TFDP1: variants seen among roughly 807,000 people sequenced by gnomAD.
TFDP1 encodes transcription factor Dp-1.
Under a neutral mutation model 48.0 loss-of-function variants are expected in TFDP1, and 6 were observed. The observed-to-expected ratio is 0.13, with a 90% CI of 0.07 to 0.25. The LOEUF (loss-of-function observed/expected upper bound fraction) is 0.25, where lower values mean the gene tolerates loss of function less well. Among genes scored for constraint, TFDP1 ranks in the 10% least tolerant of loss-of-function variants. The pLI, the probability that TFDP1 is intolerant of heterozygous loss-of-function variation, is 1.00. For synonymous variants in TFDP1, 201 were observed against 211.6 expected (o/e 0.95, Z 0.44); for missense variants, 335 against 543.0 (o/e 0.62, Z 3.81).
At chr13:113,601,933 T>C (rs1178888862) in intron 2 of TFDP1, among the ~76,000 whole-genome samples, 3 of 43,188 alleles carry the variant, frequency 6.9e-5, no homozygotes, top group Admixed American at 2.7e-4. Context: ...TCTGTAGCTC[T>C]GAGAGGAGGA....
At chr13:113,613,859 AGT>A (rs951840022) in intron 3 of TFDP1, among the ~76,000 whole-genome samples, 2 of 146,922 alleles carry the variant, frequency 1.4e-5, no homozygotes, top group African/African-American at 5.1e-5. Context: ...ATGTGTGTTG[AGT>A]GTGCATGAGT....
chr13:113,612,338 G>A (rs1464633630), intron 3 of TFDP1, among the ~76,000 whole-genome samples: 4 of 152,206 alleles, frequency 2.6e-5, no homozygotes, highest in Non-Finnish European at 4.4e-5. Flanking sequence ...CTGTCCCCGG[G>A]CCCTGTCAGA....
intron 2 of TFDP1, among the ~76,000 whole-genome samples, chr13:113,597,503 G>A (rs955695918): frequency 3.9e-5 from 6 of 152,322 alleles, no homozygotes; most frequent in South Asian, 2.1e-4. Flanking sequence ...GGGCCTGAAC[G>A]GCTGGACCTT....
At chr13:113,626,482 C>T (rs920453980) in intron 4 of TFDP1, among the ~76,000 whole-genome samples, 3 of 151,988 alleles carry the variant, frequency 2.0e-5, no homozygotes, top group Non-Finnish European at 2.9e-5. Context: ...GCCTTCCCCG[C>T]GCTCCCTTCC....
chr13:113,634,675 T>G, intron 8 of TFDP1, 73 bp downstream of exon 8: 1 of 1,147,172 alleles, frequency 8.7e-7, no homozygotes, highest in South Asian at 1.4e-5. Flanking sequence ...GGCAACATAC[T>G]GCCTTGGGTT....
At chr13:113,608,005 A>G (rs1216700104) in intron 2 of TFDP1, among the ~76,000 whole-genome samples, 2 of 152,142 alleles carry the variant, frequency 1.3e-5, no homozygotes, top group East Asian at 1.9e-4. Context: ...GCGGTGGAAC[A>G]TTTACAGACA....
intron 3 of TFDP1, among the ~76,000 whole-genome samples, chr13:113,617,755 A>G (rs1471399928): frequency 6.6e-6 from 1 of 152,264 alleles, no homozygotes; most frequent in African/African-American, 2.4e-5. Flanking sequence ...ATGGTGGGCA[A>G]AATAGTAACT....
intron 3 of TFDP1, among the ~76,000 whole-genome samples, chr13:113,621,715 G>C (rs949604529): frequency 6.6e-6 from 1 of 152,236 alleles, no homozygotes; most frequent in Admixed American, 6.5e-5. Flanking sequence ...GAAGATGTCC[G>C]TTGCCAGGTG....
chr13:113,635,374 C>T (rs559746154), intron 8 of TFDP1, among the ~76,000 whole-genome samples: 9 of 152,306 alleles, frequency 5.9e-5, no homozygotes, highest in South Asian at 4.1e-4. Context: ...TTGCCAGTGC[C>T]TTAGGACCTG....
rs1001406658 is a variant in TFDP1 at position 113,633,791 on chromosome 13, G to T, written c.475-99G>T. 3.5e-6 allele frequency: 5 copies of T among 1,448,292 alleles called. No homozygotes were observed. The African/African-American group carries it at 7.1e-5, about 21-fold the overall frequency. 89.7% of individuals were successfully genotyped at this position (1,448,292 alleles called of 1,614,324 possible). A position where few individuals can be genotyped will look rare whatever the true frequency, so the allele number is the denominator to read the frequency against. ...GGGCATGTTGGGGTGGCGGCTCCGT[G>T]AGCGGGGTGCCCCTTTGAGCCAGTG... On this transcript the variant is annotated intron_variant, in intron 6 of 11. Transcript: ENST00000375370. The surrounding 1 kb of genome is among the most constrained non-coding windows in gnomAD (Gnocchi z 4.5).
At chr13:113,605,617 C>A (rs1042934396) in intron 2 of TFDP1, among the ~76,000 whole-genome samples, 1 of 152,346 alleles carries the variant, frequency 6.6e-6, no homozygotes, top group African/African-American at 2.4e-5. Context: ...CAAGATGTCT[C>A]ACCCTCGCAG....
chr13:113,631,178 C>T (rs1411459480), intron 4 of TFDP1, among the ~76,000 whole-genome samples: 1 of 152,214 alleles, frequency 6.6e-6, no homozygotes, highest in Non-Finnish European at 1.5e-5. Context: ...CAGAAGGATA[C>T]AATTTCATCC....
At position 113,623,364 on chromosome 13, in the gene TFDP1, TC is replaced by T. The variant is rs1472828612; in HGVS notation, c.186+81del. ...GGATGAGCCGTGTGGTTGGGGATGT[TC>T]CCAGGTGTGCCTGGATTTGGGCTCC... On this transcript the variant is annotated intron_variant, in intron 4 of 11. Transcript: ENST00000375370. The surrounding 1 kb of genome is among the most constrained non-coding windows in gnomAD (Gnocchi z 5.2). 2.9e-6 allele frequency: 4 copies of T among 1,380,718 alleles called. No individual in the cohort carries two copies. Among genetic ancestry groups the T allele is most frequent in the Non-Finnish European group, 4.0e-6 (4 of 1,004,682 alleles). 85.5% of individuals were successfully genotyped at this position (1,380,718 alleles called of 1,614,324 possible).
intron 3 of TFDP1, among the ~76,000 whole-genome samples, chr13:113,611,381 G>C (rs1038510193): frequency 1.3e-5 from 2 of 152,266 alleles, no homozygotes; most frequent in African/African-American, 4.8e-5. Flanking sequence ...TGACGTTTCA[G>C]CTGTGGTGTG....
intron 10 of TFDP1, chr13:113,637,033 G>T: frequency 4.2e-6 from 1 of 237,656 alleles, no homozygotes; most frequent in Non-Finnish European, 8.1e-6. Flanking sequence ...TTTGAGAAGT[G>T]CAGTTGGATT....
Position 113,636,607 on chromosome 13 carries a change from A to T in TFDP1, c.913A>T (p.Met305Leu), listed in dbSNP as rs768137287. Residue 305 changes from methionine to leucine, a missense_variant, in exon 10 of 12, where the codon ATG becomes TTG. This residue lies in a region of TFDP1 where 204 missense variants were observed against 287.1 expected (regional missense o/e 0.71). Coordinates refer to ENST00000375370, the MANE Select transcript of TFDP1 (RefSeq NM_007111.5). The stretch of plus-strand genomic sequence containing the variant: ...CATAGAAGTGCTGAAGCGGATGGGC[A>T]TGGCTTGCGGGCTGGAGTCGGGGAG... ...DDIEVLKRMG[M>L]ACGLESGSCS... 29 of 1,614,236 alleles carry T rather than the reference A, an allele frequency of 1.8e-5. No homozygotes were observed. The highest frequency in any genetic ancestry group is 2.4e-5 in the Non-Finnish European group (28 of 1,180,038).
intron 4 of TFDP1, among the ~76,000 whole-genome samples, chr13:113,625,807 C>G (rs1355231510): frequency 1.5e-5 from 2 of 132,216 alleles, no homozygotes; most frequent in Non-Finnish European, 3.2e-5. Flanking sequence ...CACGTGTCCT[C>G]AGGTGTCTCA....
chr13:113,595,533 TC>T lies in TFDP1; in HGVS notation c.12+9686del, dbSNP rs376697494. Among the ~76,000 whole-genome samples the T allele has an allele frequency of 1.4e-4, 22 of 152,320 alleles. No homozygotes were observed. In the East Asian group the frequency reaches 3.7e-3, roughly 25 times the overall value. ...AAGGCGGTGGAGTTAGGAGCGCTCT[TC>T]CTGCTGCATGGATGTGTCTCAGTAA... is the stretch of plus-strand genomic sequence containing the variant. On this transcript the variant is annotated intron_variant, in intron 2 of 11. Transcript: ENST00000375370.
At chr13:113,594,055 G>T (rs2048220170) in intron 2 of TFDP1, among the ~76,000 whole-genome samples, 1 of 138,886 alleles carries the variant, frequency 7.2e-6, no homozygotes, top group Non-Finnish European at 1.5e-5. Flanking sequence ...CAGGTGACAG[G>T]TGTGGTGTAC....
Sources: gnomAD v4.1 joint callset for allele counts (sites outside exome capture counted in the v4.1 genomes callset) on GRCh38, gnomAD v4.1.1 for gene constraint, gnomAD v4.1.1 regional missense constraint, Gnocchi (gnomAD v3.1) non-coding constraint, MANE v1.5 for transcripts, NCBI Gene and HGNC (gene_info 2026-07-23, HGNC 2026-07-21) for gene names.